Variants in ARHGAP12 observed in about 807,000 individuals in gnomAD.
ARHGAP12 encodes the protein rho GTPase-activating protein 12.
ARHGAP12 carries 64 observed loss-of-function variants against 108.6 expected under a neutral mutation model. The observed-to-expected ratio is 0.59, with a 90% confidence interval of 0.48 to 0.73. The LOEUF (loss-of-function observed/expected upper bound fraction) is 0.73. Among genes scored for constraint, ARHGAP12 ranks in the 30% least tolerant of loss-of-function variants. ARHGAP12 has a pLI of 0.00. For synonymous variants in ARHGAP12, 312 were observed against 337.2 expected, an observed-to-expected ratio of 0.93 and a Z score of 0.82; for missense variants, 940 against 1,005.9, an observed-to-expected ratio of 0.93 and a Z score of 0.89.
intron 1 of ARHGAP12, among the ~76,000 whole-genome samples, chr10:31,923,132 GAAAAAAAAAAA>G (rs58930834): frequency 1.2e-5 from 1 of 83,226 alleles, no homozygotes; most frequent in Non-Finnish European, 2.2e-5. Flanking sequence ...ACCCTAACAG[GAAAAAAAAAAA>G]AAAAAAAAAC....
intron 1 of ARHGAP12, among the ~76,000 whole-genome samples, chr10:31,921,547 T>C (rs1190275574): frequency 1.3e-5 from 2 of 151,612 alleles, no homozygotes; most frequent in Non-Finnish European, 2.9e-5. Context: ...GGGCGGATAA[T>C]GAGGTCAGGA....
At chr10:31,833,034 T>C (rs1308193056) in intron 9 of ARHGAP12, among the ~76,000 whole-genome samples, 1 of 152,088 alleles carries the variant, frequency 6.6e-6, no homozygotes, top group African/African-American at 2.4e-5. Flanking sequence ...AATAACACAA[T>C]TGTAAGTATG....
intron 4 of ARHGAP12, 46 bp from the exon 5 acceptor site, chr10:31,854,252 A>G: frequency 1.3e-6 from 2 of 1,507,156 alleles, no homozygotes; most frequent in South Asian, 1.3e-5. Flanking sequence ...TTGAATATAA[A>G]TATGAATTGG....
chr10:31,828,565 A>C (rs899657116), intron 10 of ARHGAP12, among the ~76,000 whole-genome samples: 1 of 152,310 alleles, frequency 6.6e-6, no homozygotes, highest in African/African-American at 2.4e-5. Context: ...CAATTTTCAA[A>C]ATGAGAAAAA....
chr10:31,839,510 A>AT (rs200576868), intron 8 of ARHGAP12, 127 bp downstream of exon 8: 13,214 of 1,156,334 alleles, frequency 0.011, 118 homozygotes, highest in Non-Finnish European at 0.012. Flanking sequence ...TTTGATTGTG[A>AT]TTTTTTAGAA....
chr10:31,901,352 T>C lies in ARHGAP12; in HGVS notation c.684+6820A>G, dbSNP rs186476310. 2.2e-3 allele frequency among the ~76,000 whole-genome samples: 335 copies of C among 151,264 alleles called. 2 individuals are homozygous for C. The highest frequency in any genetic ancestry group is 6.8e-3 in the Middle Eastern group (2 of 292). On this transcript the variant is annotated intron_variant, in intron 3 of 19. Coordinates refer to ENST00000344936, the MANE Select transcript of ARHGAP12 (RefSeq NM_018287.7). Reference sequence around the variant, plus strand: ...TTTGACACCAGCCTGGCCAACATGGTGAAACCCCATCTCTACTAAAAATAC... The same window carrying C: ...TTTGACACCAGCCTGGCCAACATGGCGAAACCCCATCTCTACTAAAAATAC...
chr10:31,894,221 C>A (rs1275394531), intron 3 of ARHGAP12, among the ~76,000 whole-genome samples: 1 of 152,146 alleles, frequency 6.6e-6, no homozygotes, highest in Non-Finnish European at 1.5e-5. Flanking sequence ...CACTCCTATT[C>A]AACATAGTGT....
At chr10:31,908,954 T>G in intron 2 of ARHGAP12, 28 bp from the exon 3 acceptor site, 1 of 1,223,448 alleles carries the variant, frequency 8.2e-7, no homozygotes, top group Non-Finnish European at 1.1e-6. Flanking sequence ...AGAAAGAGAA[T>G]GAAGAAAAAA....
At chr10:31,899,880 T>C (rs558135737) in intron 3 of ARHGAP12, among the ~76,000 whole-genome samples, 2 of 152,306 alleles carry the variant, frequency 1.3e-5, no homozygotes, top group African/African-American at 2.4e-5. Flanking sequence ...TTTTGTACTT[T>C]ATTAAAATTG....
At chr10:31,906,139 C>A (rs1839125147) in intron 3 of ARHGAP12, among the ~76,000 whole-genome samples, 2 of 152,134 alleles carry the variant, frequency 1.3e-5, no homozygotes, top group South Asian at 4.1e-4. Context: ...CCAACTAGCC[C>A]CACGTGAGTG....
At position 31,854,065 on chromosome 10, in the gene ARHGAP12, C is replaced by A; in HGVS notation, c.1089+1G>T. 2 of 1,600,518 alleles carry A rather than the reference C, an allele frequency of 1.2e-6. No homozygotes were observed. The highest frequency in any genetic ancestry group is 1.7e-6 in the Non-Finnish European group (2 of 1,175,680). ...CACTAGATGAGAAAAAAAGAATGTA[C>A]CTTTTCATTAGTATAGTCACTGGTA... On this transcript the variant is annotated splice_donor_variant, in intron 5 of 19. Coordinates refer to ENST00000344936, the MANE Select transcript of ARHGAP12 (RefSeq NM_018287.7). LOFTEE classifies it high-confidence loss of function.
intron 3 of ARHGAP12, among the ~76,000 whole-genome samples, chr10:31,881,914 TG>T (rs1386374922): frequency 3.0e-3 from 447 of 149,076 alleles, no homozygotes; most frequent in African/African-American, 8.1e-3. Context: ...TTTGTTTAGA[TG>T]TTTTTTTTTT....
intron 1 of ARHGAP12, among the ~76,000 whole-genome samples, chr10:31,926,910 T>A: frequency 6.6e-6 from 1 of 152,170 alleles, no homozygotes; most frequent in Non-Finnish European, 1.5e-5. Context: ...TATGAACAAC[T>A]AATATATATA....
chr10:31,855,769 T>C (rs1592294564), intron 4 of ARHGAP12, among the ~76,000 whole-genome samples: 1 of 152,202 alleles, frequency 6.6e-6, no homozygotes, highest in African/African-American at 2.4e-5. Context: ...GATATGACTT[T>C]CTAGCTAACA....
In ARHGAP12 at chr10:31,904,749, C is replaced by T. The variant is rs543775527; in HGVS notation, c.684+3423G>A. ...TCAAATGATCCTCCCACCTCAGCCT[C>T]CCAAGTAGCTGGGACTACAGGCACA... On this transcript the variant is annotated intron_variant, in intron 3 of 19. Transcript: ENST00000344936. 2.6e-5 allele frequency among the ~76,000 whole-genome samples: 4 copies of T among 152,262 alleles called. No homozygotes were observed. The South Asian group carries it at 8.3e-4, about 32-fold the overall frequency.
At chr10:31,809,393 C>A (rs1834934476) in intron 16 of ARHGAP12, 86 bp from the exon 17 acceptor site, 2 of 1,235,100 alleles carry the variant, frequency 1.6e-6, no homozygotes, top group Non-Finnish European at 2.4e-6. Context: ...TCAGAATTCC[C>A]ACTCATTTGC....
At chr10:31,863,078 T>C (rs963240477) in intron 3 of ARHGAP12, among the ~76,000 whole-genome samples, 12 of 152,200 alleles carry the variant, frequency 7.9e-5, no homozygotes, top group Non-Finnish European at 1.2e-4. Context: ...AAATACATGT[T>C]TGTGAAATGG....
At chr10:31,917,964 T>C (rs897857505) in intron 1 of ARHGAP12, among the ~76,000 whole-genome samples, 3 of 152,028 alleles carry the variant, frequency 2.0e-5, no homozygotes, top group Non-Finnish European at 4.4e-5. Flanking sequence ...TTTTTTTTTT[T>C]TCTTTTGAGA....
chr10:31,871,181 C>T (rs1592316289), intron 3 of ARHGAP12, among the ~76,000 whole-genome samples: 1 of 152,162 alleles, frequency 6.6e-6, no homozygotes, highest in African/African-American at 2.4e-5. Flanking sequence ...TAGTGAAGGG[C>T]ACTTCAAGCA....
Sources: allele counts gnomAD v4.1 joint callset (sites outside exome capture counted in the v4.1 genomes callset), GRCh38; gene constraint gnomAD v4.1.1; transcripts MANE v1.5; gene names NCBI Gene and HGNC (gene_info 2026-07-23, HGNC 2026-07-21).